RHBDD3: variants seen among roughly 807,000 people sequenced by gnomAD.
RHBDD3 encodes rhomboid domain-containing protein 3.
RHBDD3 carries 34 observed loss-of-function variants against 32.3 expected under a neutral mutation model. The ratio of observed to expected loss-of-function variants is 1.05; its 90% CI spans 0.80 to 1.40. The LOEUF is 1.40. RHBDD3 is among the 40% of genes most tolerant of loss of function. The pLI is 0.00. For synonymous variants in RHBDD3, 249 were observed against 239.1 expected, an observed-to-expected ratio of 1.04 and a Z score of -0.38; for missense variants, 482 against 492.6, an observed-to-expected ratio of 0.98 and a Z score of 0.20.
intron 5 of RHBDD3, 39 bp downstream of exon 5, chr22:29,260,663 G>A (rs1174150329): frequency 1.3e-6 from 2 of 1,554,004 alleles, no homozygotes; most frequent in Non-Finnish European, 1.7e-6. Context: ...CTGCCACAGT[G>A]CCCACCACCT....
chr22:29,266,904 C>T (rs1381695842), intron 2 of RHBDD3, among the ~76,000 whole-genome samples: 2 of 152,212 alleles, frequency 1.3e-5, no homozygotes, highest in Non-Finnish European at 2.9e-5. Flanking sequence ...TCCTATTTCA[C>T]CCTTGGAAGC....
At chr22:29,264,599 A>C in intron 3 of RHBDD3, 4 of 847,860 alleles carry the variant, frequency 4.7e-6, no homozygotes, top group Non-Finnish European at 5.7e-6. Context: ...CATTCCCTCA[A>C]GCTGTGTGAC....
In RHBDD3 at chr22:29,265,681, G is replaced by A; in HGVS notation, c.-42-13C>T. 6 of 1,526,774 alleles carry A rather than the reference G, an allele frequency of 3.9e-6. No homozygotes were observed. Among genetic ancestry groups the A allele is most frequent in the Non-Finnish European group, 4.4e-6 (5 of 1,148,468 alleles). 94.6% of individuals were successfully genotyped at this position (1,526,774 alleles called of 1,614,324 possible). ...CTGGGGCTGTGTGCTGGGGATAAAA[G>A]AAAACAATAACAAGTTATTACTGGA... On this transcript the variant is annotated splice_polypyrimidine_tract_variant and intron_variant, in intron 2 of 6. Transcript: ENST00000216085.
chr22:29,260,838 C>T lies in RHBDD3; in HGVS notation c.559G>A (p.Glu187Lys). The T allele has an allele frequency of 6.3e-7, 1 of 1,598,632 alleles. No homozygotes were observed. Among genetic ancestry groups the T allele is most frequent in the South Asian group, 1.1e-5 (1 of 88,816 alleles). ...AYAAGAFRWL[E>K]PSERRLQVLQ... ...ACCTGCAGCCGTCGCTCTGAGGGTTCCAGCCACCGGAAGGCCCCAGCTGCA... is the reference window on the plus strand; with the variant it reads ...ACCTGCAGCCGTCGCTCTGAGGGTTTCAGCCACCGGAAGGCCCCAGCTGCA... The change falls in exon 5 of 7, where the codon GAA becomes AAA. Residue 187 changes from glutamate (E) to lysine (K), a missense_variant. Physicochemically the swap from Glu to Lys is moderately conservative, Grantham distance 56 (BLOSUM62 1). Coordinates refer to ENST00000216085, the MANE Select transcript of RHBDD3 (RefSeq NM_012265.3).
In RHBDD3 at chr22:29,264,108, G is replaced by C. The variant is rs1327269049; in HGVS notation, c.259C>G (p.Leu87Val). 1.3e-6 allele frequency: 2 copies of C among 1,585,650 alleles called. No homozygotes were observed. Among genetic ancestry groups the C allele is most frequent in the Non-Finnish European group, 1.7e-6 (2 of 1,167,376 alleles). The change falls in exon 4 of 7, where the codon CTG becomes GTG. Residue 87 changes from leucine (L) to valine (V), a missense_variant. Transcript: ENST00000216085. ...GWQQECHLGT[L>V]RFLHASALLA... ...AGGGCTGAGGCATGCAGGAATCTCA[G>C]CGTGCCCAGGTGGCACTCCTGCTGC...
chr22:29,263,960 G>A lies in RHBDD3; in HGVS notation c.407C>T (p.Pro136Leu), dbSNP rs1244560037. ...TGGCAGTGCCCCACGGGGCCGTCTA[G>A]GGCGGTGTCCCTCCCCAGCCAGCAT... ...LAMLAGEGHR[P>L]RRPRGALPPW... The change falls in exon 4 of 7, where the codon CCT becomes CTT. Residue 136 changes from proline to leucine, a missense_variant. Pro to Leu is a moderately conservative substitution (Grantham distance 98). Transcript: ENST00000216085. 1.3e-6 allele frequency: 2 copies of A among 1,550,600 alleles called. No homozygotes were observed. Among genetic ancestry groups the A allele is most frequent in the Non-Finnish European group, 1.7e-6 (2 of 1,147,262 alleles).
chr22:29,260,265 A>G, intron 6 of RHBDD3, 28 bp from the exon 7 acceptor site: 1 of 1,604,122 alleles, frequency 6.2e-7, no homozygotes, highest in Non-Finnish European at 8.5e-7. Context: ...AGAAGTGGGG[A>G]GTGTCAGGGC....
intron 3 of RHBDD3, chr22:29,264,586 C>T (rs2058156223): frequency 1.1e-6 from 1 of 903,896 alleles, no homozygotes; most frequent in South Asian, 5.1e-5. Flanking sequence ...CCTGGAGCTA[C>T]CCCATTCCCT....
At chr22:29,265,752 T>C (rs765140297) in intron 2 of RHBDD3, 84 bp from the exon 3 acceptor site, 12 of 1,325,874 alleles carry the variant, frequency 9.1e-6, no homozygotes, top group Non-Finnish European at 1.2e-5. Context: ...TCAACAGCCC[T>C]ATTTTACAGA....
rs747928072 is a variant in RHBDD3, at chr22:29,260,575, T to C, written c.734A>G (p.Asp245Gly). 11 of 1,600,146 alleles carry C rather than the reference T, an allele frequency of 6.9e-6. No homozygotes were observed. In the Admixed American group the frequency reaches 8.6e-5, roughly 12 times the overall value. Residue 245 changes from aspartate to glycine, a missense_variant, in exon 6 of 7, where the codon GAC (aspartate) becomes GGC (glycine). By Grantham distance (94) the Asp-to-Gly change is moderately conservative. Coordinates refer to ENST00000216085, the MANE Select transcript of RHBDD3 (RefSeq NM_012265.3). The part of the protein sequence containing the change: ...IPGPPYVASP[D>G]LWSHWEDSAL... ...TGAGTCTTCCCAGTGGGACCAGAGG[T>C]CAGGGGAGGCCACATAAGGCGGTCC...
rs1160685260 is a variant in RHBDD3, at chr22:29,264,163, C to A, written c.204G>T (p.Leu68=). ...CCACAGTGGGCAGGAGCAGCAGGCTCAGGAGCAGGCCTGGCAGGGCCGTGT... is the reference window on the plus strand; with the variant it reads ...CCACAGTGGGCAGGAGCAGCAGGCTAAGGAGCAGGCCTGGCAGGGCCGTGT... The part of the protein sequence containing the change: ...LGHTALPGLL[L]SLLLLPTVGW... The change falls in exon 4 of 7, where the codon CTG becomes CTT. Residue 68 remains leucine, a synonymous_variant. Transcript: ENST00000216085. The A allele has an allele frequency of 6.3e-7, 1 of 1,584,958 alleles. No homozygotes were observed. Among genetic ancestry groups the A allele is most frequent in the Admixed American group, 1.8e-5 (1 of 56,848 alleles).
intron 2 of RHBDD3, 102 bp from the exon 3 acceptor site, chr22:29,265,770 A>G: frequency 5.7e-6 from 7 of 1,228,256 alleles, no homozygotes; most frequent in Non-Finnish European, 7.5e-6. Context: ...AGAGGTGGAA[A>G]CAGGCTGGAG....
At chr22:29,262,859 A>C (rs996412061) in intron 4 of RHBDD3, among the ~76,000 whole-genome samples, 23 of 152,028 alleles carry the variant, frequency 1.5e-4, no homozygotes, top group Non-Finnish European at 2.9e-4. Context: ...GGCGCCTGCC[A>C]CCACGCCTGG....
In RHBDD3 at chr22:29,265,543, C is replaced by T; in HGVS notation, c.84G>A (p.Leu28=). 6.3e-7 allele frequency: 1 copy of T among 1,585,482 alleles called. No homozygotes were observed. The highest frequency in any genetic ancestry group is 1.1e-5 in the South Asian group (1 of 87,402). The change falls in exon 3 of 7, where the codon CTG becomes CTA. Residue 28 remains leucine (L), a synonymous_variant. Transcript: ENST00000216085. ...GGCCGGGGCCGGCCCCCACCAGCCA[C>T]AGGGTGCTCATCAGCAGCATCAGGA... ...SSVLMLLMST[L]WLVGAGPGLV... is the part of the protein sequence containing the mutation.
rs1483378751 is a variant in RHBDD3 at position 29,264,534 on chromosome 22, T to C, written c.149-316A>G. ...GAAGGTACTCTGCTTCTGTATTTAC[T>C]AAATCATACCTGGCTGAGAGCATGA... is the stretch of plus-strand genomic sequence containing the variant. On this transcript the variant is annotated intron_variant, in intron 3 of 6. Transcript: ENST00000216085. 3.5e-6 allele frequency: 4 copies of C among 1,134,712 alleles called. No homozygotes were observed. In the African/African-American group the frequency reaches 6.4e-5, roughly 18 times the overall value. 70.3% of individuals were successfully genotyped at this position (1,134,712 alleles called of 1,614,324 possible). A position where few individuals can be genotyped will look rare whatever the true frequency, so the allele number is the denominator to read the frequency against.
Position 29,261,567 on chromosome 22 carries a change from T to G in RHBDD3, c.533-703A>C, listed in dbSNP as rs59740128. ...TATGATGGCGTCGCCACACTCCAGC[T>G]TGGGTGACAGAATGAGACCCTGTCT... On this transcript the variant is annotated intron_variant, in intron 4 of 6. Coordinates refer to ENST00000216085, the MANE Select transcript of RHBDD3 (RefSeq NM_012265.3). The G allele has an allele frequency of 2.2e-5, 7 of 314,502 alleles. No homozygotes were observed. In the East Asian group the frequency reaches 4.0e-4, roughly 18 times the overall value. The allele number at this position is 314,502 out of a possible 1,614,324, so 19.5% of individuals were successfully genotyped here. A position where few individuals can be genotyped will look rare whatever the true frequency, so the allele number is the denominator to read the frequency against.
intron 3 of RHBDD3, chr22:29,264,535 A>G (rs2058155821): frequency 8.8e-7 from 1 of 1,132,932 alleles, no homozygotes. Flanking sequence ...TGTATTTACT[A>G]AATCATACCT....
intron 3 of RHBDD3, chr22:29,264,652 C>G: frequency 5.6e-6 from 2 of 356,074 alleles, no homozygotes; most frequent in Non-Finnish European, 7.8e-6. Flanking sequence ...ATTGGGGGTC[C>G]TCAAATACAA....
intron 3 of RHBDD3, 29 bp from the exon 4 acceptor site, chr22:29,264,247 G>T: frequency 6.7e-7 from 1 of 1,498,164 alleles, no homozygotes. Flanking sequence ...TTATGTGCCA[G>T]GTTAGTGGCC....
Sources: allele counts gnomAD v4.1 joint callset (sites outside exome capture counted in the v4.1 genomes callset), GRCh38; gene constraint gnomAD v4.1.1; transcripts MANE v1.5; gene names NCBI Gene and HGNC (gene_info 2026-07-23, HGNC 2026-07-21).